Variants in CAPS2 observed in about 807,000 individuals in gnomAD.
CAPS2 encodes the protein calcyphosine 2.
Under a neutral mutation model 86.5 loss-of-function variants are expected in CAPS2, and 98 were observed. That is an observed-to-expected ratio of 1.13 (90% CI 0.96 to 1.34). The LOEUF is 1.34. CAPS2 is among the 40% of genes most tolerant of loss of function. The pLI, the probability that CAPS2 is intolerant of heterozygous loss-of-function variation, is 0.00. For missense variants in CAPS2, 729 were observed against 686.8 expected, an observed-to-expected ratio of 1.06 and a Z score of -0.69; for synonymous variants, 210 against 225.1, an observed-to-expected ratio of 0.93 and a Z score of 0.60.
chr12:75,292,921 T>C, intron 12 of CAPS2, among the ~76,000 whole-genome samples: 1 of 151,558 alleles, frequency 6.6e-6, no homozygotes, highest in South Asian at 2.1e-4. Context: ...AAAATTGTTA[T>C]AGTATTGTAT....
At chr12:75,344,309 G>C (rs1037427037) in intron 1 of CAPS2, among the ~76,000 whole-genome samples, 2 of 151,890 alleles carry the variant, frequency 1.3e-5, no homozygotes, top group African/African-American at 4.8e-5. Flanking sequence ...TGATGCTCTT[G>C]TCTTTTTTCT....
At chr12:75,301,595 T>G (rs2138588273) in intron 8 of CAPS2, among the ~76,000 whole-genome samples, 1 of 152,336 alleles carries the variant, frequency 6.6e-6, no homozygotes, top group African/African-American at 2.4e-5. Flanking sequence ...GGTGTTATTA[T>G]TCCCATTTTT....
intron 1 of CAPS2, among the ~76,000 whole-genome samples, chr12:75,354,243 T>C (rs1242626294): frequency 6.6e-6 from 1 of 151,960 alleles, no homozygotes. Context: ...TGATCCTATA[T>C]CTAGAAAACC....
intron 8 of CAPS2, among the ~76,000 whole-genome samples, chr12:75,301,639 T>C (rs2037829626): frequency 6.6e-6 from 1 of 152,146 alleles, no homozygotes; most frequent in Non-Finnish European, 1.5e-5. Context: ...GACAGATGAG[T>C]AAATTGTCCA....
chr12:75,340,333 A>C (rs997467082), intron 1 of CAPS2, among the ~76,000 whole-genome samples: 4 of 151,892 alleles, frequency 2.6e-5, no homozygotes, highest in African/African-American at 9.7e-5. Flanking sequence ...AAGATGCAAA[A>C]GTAATTCAGG....
chr12:75,327,157 T>C (rs913677006), upstream of CAPS2, among the ~76,000 whole-genome samples: 1 of 152,180 alleles, frequency 6.6e-6, no homozygotes, highest in Non-Finnish European at 1.5e-5. Flanking sequence ...TTTAAATAAA[T>C]TTTTAGAGCA....
At chr12:75,282,196 A>G in intron 16 of CAPS2, 55 bp downstream of exon 16, 6 of 950,418 alleles carry the variant, frequency 6.3e-6, no homozygotes, top group Non-Finnish European at 8.6e-6. Flanking sequence ...TAAAGATATT[A>G]TCTTTATTAA....
At chr12:75,373,247 CA>C (rs1288064156) in intron 1 of CAPS2, among the ~76,000 whole-genome samples, 1 of 152,178 alleles carries the variant, frequency 6.6e-6, no homozygotes, top group East Asian at 1.9e-4. Flanking sequence ...TGGGTGATGA[CA>C]GGGGTGTCTG....
intron 1 of CAPS2, among the ~76,000 whole-genome samples, chr12:75,368,851 T>TACTG (rs60738274): frequency 0.064 from 9,756 of 152,018 alleles, 426 homozygotes; most frequent in African/African-American, 0.13. Context: ...AAATTTTAAT[T>TACTG]ACTAATTTTT....
chr12:75,306,105 T>C, intron 7 of CAPS2: 1 of 1,333,194 alleles, frequency 7.5e-7, no homozygotes. Flanking sequence ...GAAGAAGCAC[T>C]CCACCTTCCA....
intron 8 of CAPS2, among the ~76,000 whole-genome samples, chr12:75,302,670 A>G (rs1360233389): frequency 6.6e-6 from 1 of 152,264 alleles, no homozygotes; most frequent in Non-Finnish European, 1.5e-5. Flanking sequence ...TCATTTCTAA[A>G]ACATGTAAAT....
At chr12:75,379,857 A>G (rs1172801345) in intron 1 of CAPS2, among the ~76,000 whole-genome samples, 1 of 148,842 alleles carries the variant, frequency 6.7e-6, no homozygotes, top group East Asian at 1.9e-4. Context: ...TATCAGTAAA[A>G]AAAAAAAAAA....
At chr12:75,335,821 C>T (rs2041695765) in intron 1 of CAPS2, among the ~76,000 whole-genome samples, 1 of 151,816 alleles carries the variant, frequency 6.6e-6, no homozygotes, top group South Asian at 2.1e-4. Flanking sequence ...TTGGGGTTGT[C>T]CAAGGCATAA....
chr12:75,292,214 C>T (rs1288810154), intron 12 of CAPS2, among the ~76,000 whole-genome samples: 2 of 151,884 alleles, frequency 1.3e-5, no homozygotes, highest in African/African-American at 4.8e-5. Context: ...CTACAGGCAC[C>T]TGCCACCACG....
exon 17 of CAPS2, chr12:75,278,193 A>G (rs2137944805): frequency 1.0e-6 from 1 of 978,054 alleles, no homozygotes; most frequent in East Asian, 1.1e-4. Flanking sequence ...AAGAACAAAT[A>G]CAACTGGGCA....
chr12:75,298,398 C>G (rs543658865), intron 11 of CAPS2: 1 of 361,300 alleles, frequency 2.8e-6, no homozygotes, highest in Non-Finnish European at 5.1e-6. Flanking sequence ...CTTTGAAGAA[C>G]TTTTCAAAGT....
chr12:75,279,495 G>A (rs749537326), intron 16 of CAPS2, among the ~76,000 whole-genome samples: 4 of 151,926 alleles, frequency 2.6e-5, no homozygotes, highest in Non-Finnish European at 4.4e-5. Context: ...TAAATAACAG[G>A]CTTAGATGGG....
At chr12:75,311,931 C>G (rs2039273637) in intron 7 of CAPS2, among the ~76,000 whole-genome samples, 1 of 151,918 alleles carries the variant, frequency 6.6e-6, no homozygotes, top group Admixed American at 6.6e-5. Flanking sequence ...ATGGGAGACT[C>G]TAGGTATAAT....
rs375192776 is a variant in CAPS2, at chr12:75,382,499, G to A, written c.-395+8339C>T. ...TACTAAAAATACAAAAATTAGCTGG[G>A]TGTGGTGGTGCATGCCTGTAGTCCC... is the stretch of plus-strand genomic sequence containing the variant. On this transcript the variant is annotated intron_variant, in intron 1 of 5. Transcript: ENST00000551829. Among the ~76,000 whole-genome samples the A allele has an allele frequency of 1.6e-3, 242 of 152,164 alleles. 1 individual carries two copies. Among genetic ancestry groups the A allele is most frequent in the African/African-American group, 5.6e-3 (234 of 41,514 alleles).
Sources: allele counts gnomAD v4.1 joint callset (sites outside exome capture counted in the v4.1 genomes callset), GRCh38; gene constraint gnomAD v4.1.1; transcripts MANE v1.5; gene names NCBI Gene and HGNC (gene_info 2026-07-23, HGNC 2026-07-21).